TWF1: variants seen among roughly 807,000 people sequenced by gnomAD.
TWF1 encodes the protein twinfilin actin binding protein 1, also known as twinfilin-1.
A neutral mutation model predicts 47.9 loss-of-function variants in TWF1; 14 were observed. The observed-to-expected ratio is 0.29, with a 90% CI of 0.19 to 0.46. The LOEUF is 0.46. Among genes scored for constraint, TWF1 ranks in the 20% least tolerant of loss-of-function variants. The pLI is 1.00. For synonymous variants in TWF1, 96 were observed against 139.2 expected, an observed-to-expected ratio of 0.69 and a Z score of 2.18; for missense variants, 281 against 409.3, an observed-to-expected ratio of 0.69 and a Z score of 2.70.
rs781760230 is a variant in TWF1 at position 43,805,807 on chromosome 12, T to C, written c.25+414A>G. On this transcript the variant is annotated intron_variant, in intron 1 of 8. Transcript: ENST00000395510. ...ATCAAAGTCCTGTAATATTCTCCTT[T>C]GGACCATGAAAAAGAAAACTCGCCT... 2.9e-6 allele frequency: 4 copies of C among 1,365,852 alleles called. No individual in the cohort carries two copies. In the African/African-American group the frequency reaches 5.9e-5, roughly 20 times the overall value. The allele number at this position is 1,365,852 out of a possible 1,614,324, so 84.6% of individuals were successfully genotyped here. A position where few individuals can be genotyped will look rare whatever the true frequency, so the allele number is the denominator to read the frequency against.
intron 1 of TWF1, chr12:43,805,707 G>T: frequency 3.2e-6 from 3 of 950,484 alleles, no homozygotes; most frequent in Non-Finnish European, 4.5e-6. Context: ...TTTCCTATTT[G>T]GAGAGAAAAT....
chr12:43,804,294 T>C, intron 2 of TWF1: 4 of 570,370 alleles, frequency 7.0e-6, no homozygotes, highest in Non-Finnish European at 1.3e-5. Flanking sequence ...CATCTTTCTG[T>C]TTCCCTGATA....
At chr12:43,802,522 G>A (rs1942680156) in intron 2 of TWF1, 58 bp from the exon 3 acceptor site, 3 of 1,251,738 alleles carry the variant, frequency 2.4e-6, no homozygotes, top group East Asian at 2.5e-5. Context: ...AAGTGGTAGT[G>A]TGATGAAGAC....
intron 2 of TWF1, 181 bp downstream of exon 2, chr12:43,804,314 T>G (rs113416773): frequency 5.1e-6 from 3 of 591,100 alleles, no homozygotes; most frequent in Non-Finnish European, 9.3e-6. Flanking sequence ...AGTCACATAA[T>G]TCAGAATGAA....
chr12:43,797,129 G>A (rs1324661998), intron 7 of TWF1, 32 bp from the exon 8 acceptor site: 2 of 1,551,866 alleles, frequency 1.3e-6, no homozygotes, highest in South Asian at 1.2e-5. Context: ...AATATAATTA[G>A]CATATCAATA....
At chr12:43,797,553 C>G (rs1439365502) in intron 6 of TWF1, 101 bp from the exon 7 acceptor site, 2 of 1,369,556 alleles carry the variant, frequency 1.5e-6, no homozygotes, top group East Asian at 4.9e-5. Context: ...GAACTTAGTT[C>G]TGGATGGTTT....
chr12:43,803,579 G>A (rs759353485), intron 2 of TWF1, among the ~76,000 whole-genome samples: 22 of 152,034 alleles, frequency 1.4e-4, no homozygotes, highest in Non-Finnish European at 2.8e-4. Context: ...TTTTCCTTCC[G>A]TAGAGATGCT....
chr12:43,806,308 C>G lies in TWF1; in HGVS notation c.-63G>C. 7.0e-7 allele frequency: 1 copy of G among 1,426,952 alleles called. No homozygotes were observed. The allele number at this position is 1,426,952 out of a possible 1,614,324, so 88.4% of individuals were successfully genotyped here. ...CAGCCAGCGGCCCCGGCCGGCGGCCCCAGGAAGTGGCTGCTCCTCCGCCGG... is the reference window on the plus strand; with the variant it reads ...CAGCCAGCGGCCCCGGCCGGCGGCCGCAGGAAGTGGCTGCTCCTCCGCCGG... On this transcript the variant is annotated 5_prime_UTR_variant, in exon 1 of 9. Coordinates refer to ENST00000395510, the MANE Select transcript of TWF1 (RefSeq NM_002822.5).
At chr12:43,796,924 A>C in intron 8 of TWF1, 52 bp downstream of exon 8, 1 of 1,561,218 alleles carries the variant, frequency 6.4e-7, no homozygotes, top group Non-Finnish European at 8.8e-7. Flanking sequence ...ACTACATAGA[A>C]ATGAAAAGAA....
At chr12:43,806,067 A>G (rs1180955453) in intron 1 of TWF1, 154 bp downstream of exon 1, 10 of 1,517,062 alleles carry the variant, frequency 6.6e-6, no homozygotes, top group South Asian at 2.4e-5. Context: ...CCCGGGAAGC[A>G]GGAGCGCGGA....
intron 5 of TWF1, chr12:43,798,728 T>C: frequency 1.1e-6 from 1 of 939,906 alleles, no homozygotes; most frequent in Non-Finnish European, 1.5e-6. Context: ...TCAACCATTC[T>C]CCAGACTGAT....
chr12:43,798,470 A>G, intron 5 of TWF1: 1 of 1,248,076 alleles, frequency 8.0e-7, no homozygotes, highest in Non-Finnish European at 1.1e-6. Flanking sequence ...CAGAAAGTCC[A>G]ATAGAAATTT....
intron 5 of TWF1, among the ~76,000 whole-genome samples, chr12:43,799,057 T>C (rs1942611165): frequency 6.6e-6 from 1 of 152,074 alleles, no homozygotes; most frequent in African/African-American, 2.4e-5. Context: ...GCAACCTTAT[T>C]AGATACATTC....
At chr12:43,795,871 AC>A in intron 8 of TWF1, 116 bp from the exon 9 acceptor site, 1 of 974,994 alleles carries the variant, frequency 1.0e-6, no homozygotes, top group African/African-American at 1.6e-5. Flanking sequence ...AGAATCAAGG[AC>A]CATATGTAAA....
In TWF1 at chr12:43,799,432, G is replaced by A; in HGVS notation, c.449C>T (p.Ala150Val). ...SQSSPAPLTA[A>V]EEELRQIKIN... ...TTTAATCTGTCGTAGTTCTTCCTCA[G>A]CTGCAGTCAGTGGGGCAGGGGAAGA... Residue 150 changes from alanine (A) to valine (V), a missense_variant, in exon 5 of 9, where the codon GCT becomes GTT. By Grantham distance (64) the Ala-to-Val change is moderately conservative. Transcript: ENST00000395510. 1.9e-6 allele frequency: 3 copies of A among 1,609,916 alleles called. No homozygotes were observed. The highest frequency in any genetic ancestry group is 2.5e-6 in the Non-Finnish European group (3 of 1,178,216).
At chr12:43,800,572 A>C (rs573907287) in intron 3 of TWF1, 42 bp from the exon 4 acceptor site, 4 of 1,477,380 alleles carry the variant, frequency 2.7e-6, no homozygotes, top group Non-Finnish European at 2.8e-6. Context: ...AGATGAAAAC[A>C]TAACATTACA....
chr12:43,798,579 C>T (rs1054744273), intron 5 of TWF1: 9 of 1,523,348 alleles, frequency 5.9e-6, no homozygotes, highest in Non-Finnish European at 8.8e-7. Context: ...ATATGATCCT[C>T]TGGGCTCTGA....
chr12:43,795,857 A>G, intron 8 of TWF1, 102 bp from the exon 9 acceptor site: 1 of 1,174,858 alleles, frequency 8.5e-7, no homozygotes, highest in Non-Finnish European at 1.2e-6. Flanking sequence ...CTTTCCAGTA[A>G]GGCAGAATCA....
At chr12:43,802,144 C>T (rs897779121) in intron 3 of TWF1, 142 bp downstream of exon 3, 5 of 498,042 alleles carry the variant, frequency 1.0e-5, no homozygotes, top group Middle Eastern at 5.3e-4. Context: ...CCTGATTCTC[C>T]GTTATCAATC....
Sources: gnomAD v4.1 joint callset for allele counts (sites outside exome capture counted in the v4.1 genomes callset) on GRCh38, gnomAD v4.1.1 for gene constraint, MANE v1.5 for transcripts, NCBI Gene and HGNC (gene_info 2026-07-23, HGNC 2026-07-21) for gene names.